Variants in CCDC122 observed in about 807,000 individuals in gnomAD.
CCDC122 encodes coiled-coil domain containing 122.
Under a neutral mutation model 37.0 loss-of-function variants are expected in CCDC122, and 38 were observed. That is an observed-to-expected ratio of 1.03 (90% CI 0.79 to 1.35). The LOEUF is 1.35. Ranked by LOEUF, CCDC122 falls within the 40% of genes most tolerant of loss-of-function variation. CCDC122 has a pLI of 0.00. For synonymous variants in CCDC122, 83 were observed against 95.6 expected, an observed-to-expected ratio of 0.87 and a Z score of 0.77; for missense variants, 305 against 310.0, an observed-to-expected ratio of 0.98 and a Z score of 0.12.
At chr13:43,823,532 CCT>C (rs1953011557), downstream of CCDC122, among the ~76,000 whole-genome samples, 1 of 152,318 alleles carries the variant, frequency 6.6e-6, no homozygotes, top group Admixed American at 6.5e-5. Context: ...GAATTGCAAT[CCT>C]TGTGCCCTAG....
intron 6 of CCDC122, chr13:43,854,711 T>C (rs972369175): frequency 6.6e-6 from 1 of 152,130 alleles, no homozygotes; most frequent in African/African-American, 2.4e-5. Flanking sequence ...TGAACATCGA[T>C]GCAAAAATCC....
At chr13:43,840,345 A>T (rs1167896354) in intron 6 of CCDC122, among the ~76,000 whole-genome samples, 4 of 152,188 alleles carry the variant, frequency 2.6e-5, no homozygotes, top group Non-Finnish European at 4.4e-5. Context: ...TATGTGTAGT[A>T]TTCCATTATG....
downstream of CCDC122, among the ~76,000 whole-genome samples, chr13:43,820,067 G>A (rs927890076): frequency 2.0e-5 from 3 of 152,000 alleles, no homozygotes; most frequent in South Asian, 4.1e-4. Flanking sequence ...AGAAAAAAGT[G>A]CATCTATAAA....
intron 2 of CCDC122, among the ~76,000 whole-genome samples, chr13:43,871,034 C>T (rs916363599): frequency 2.6e-5 from 4 of 152,064 alleles, no homozygotes; most frequent in Non-Finnish European, 4.4e-5. Context: ...ACGAAAACTT[C>T]GTCCTCCTTA....
At position 43,861,374 on chromosome 13, in the gene CCDC122, C is replaced by T. The variant is rs555843782; in HGVS notation, c.157-1304G>A. Among the ~76,000 whole-genome samples, 10 of 152,216 alleles carry T rather than the reference C, an allele frequency of 6.6e-5. No individual in the cohort carries two copies. The East Asian group carries it at 1.4e-3, about 21-fold the overall frequency. ...TATGGGAAAGCATTGTAATGTATGG[C>T]AAAGGGTACGGATAGACTAACGGAT... On this transcript the variant is annotated intron_variant, in intron 4 of 6. Coordinates refer to ENST00000444614, the MANE Select transcript of CCDC122 (RefSeq NM_144974.5).
At chr13:43,823,859 C>T (rs1343700666), downstream of CCDC122, 1 of 152,266 alleles carries the variant, frequency 6.6e-6, no homozygotes, top group African/African-American at 2.4e-5. Flanking sequence ...TCTCTTCTAG[C>T]CTCTTTCAGA....
chr13:43,831,451 A>G (rs185090023), downstream of CCDC122, among the ~76,000 whole-genome samples: 24 of 152,328 alleles, frequency 1.6e-4, no homozygotes, highest in Admixed American at 1.2e-3. Flanking sequence ...TCTCAAAAGC[A>G]TCTCAAGGAA....
chr13:43,871,893 A>G (rs900245056), intron 2 of CCDC122, among the ~76,000 whole-genome samples: 7 of 152,112 alleles, frequency 4.6e-5, no homozygotes, highest in African/African-American at 1.4e-4. Context: ...TGCTGTTATC[A>G]GCTGTCTTAC....
chr13:43,871,962 A>G (rs954565275), intron 2 of CCDC122, among the ~76,000 whole-genome samples: 1 of 151,616 alleles, frequency 6.6e-6, no homozygotes, highest in South Asian at 2.1e-4. Flanking sequence ...CTCTATCACT[A>G]CTCTCTTGTA....
intron 6 of CCDC122, 41 bp downstream of exon 6, chr13:43,858,740 T>C (rs1288403329): frequency 2.3e-6 from 3 of 1,292,170 alleles, no homozygotes; most frequent in Non-Finnish European, 2.1e-6. Flanking sequence ...GTTTTAAAAA[T>C]GGTCCCATAA....
At chr13:43,823,317 T>G (rs191967278), downstream of CCDC122, among the ~76,000 whole-genome samples, 1 of 152,156 alleles carries the variant, frequency 6.6e-6, no homozygotes. Flanking sequence ...TATCCAAGAT[T>G]CAAGACAACG....
Position 43,868,773 on chromosome 13 carries a change from G to A in CCDC122, c.77C>T (p.Ala26Val), listed in dbSNP as rs1333088545. ...TTGTTGCTTTGCAACTTTCTCTACA[G>A]CATCAGCTAATGAACTTGTGTCTTG... ...DNQDTSSLAD[A>V]VEKVAKQQQS... Residue 26 changes from alanine (A) to valine (V), a missense_variant, in exon 4 of 7, where the codon GCT becomes GTT. Physicochemically the swap from Ala to Val is moderately conservative, Grantham distance 64 (BLOSUM62 0). Coordinates refer to ENST00000444614, the MANE Select transcript of CCDC122 (RefSeq NM_144974.5). The A allele has an allele frequency of 6.5e-7, 1 of 1,547,752 alleles. No individual in the cohort carries two copies. The highest frequency in any genetic ancestry group is 1.3e-5 in the South Asian group (1 of 79,654).
chr13:43,848,759 A>G (rs1953627839), intron 6 of CCDC122: 1 of 693,370 alleles, frequency 1.4e-6, no homozygotes, highest in Admixed American at 6.3e-5. Flanking sequence ...TAAAAGCAAG[A>G]TTAATATGAG....
intron 4 of CCDC122, among the ~76,000 whole-genome samples, chr13:43,862,057 TCCC>T (rs1408013328): frequency 2.6e-5 from 4 of 152,016 alleles, no homozygotes; most frequent in African/African-American, 9.7e-5. Flanking sequence ...TCCTCCCCAC[TCCC>T]CCAACTAGTC....
intron 6 of CCDC122, among the ~76,000 whole-genome samples, chr13:43,851,962 A>C (rs1057262439): frequency 4.0e-5 from 6 of 150,650 alleles, no homozygotes; most frequent in African/African-American, 1.5e-4. Flanking sequence ...GAAAAAAAAA[A>C]CATCCAAAGG....
chr13:43,834,370 G>A (rs1165840171), downstream of CCDC122, among the ~76,000 whole-genome samples: 2 of 152,008 alleles, frequency 1.3e-5, no homozygotes, highest in Non-Finnish European at 2.9e-5. Flanking sequence ...AAGAAAACCT[G>A]GGCAATACCA....
intron 6 of CCDC122, among the ~76,000 whole-genome samples, chr13:43,837,652 AAC>A (rs35443787): frequency 0.5 from 74,240 of 149,200 alleles, 20,338 homozygotes; most frequent in Non-Finnish European, 0.62. Flanking sequence ...AAATTCTTAT[AAC>A]ACCTTATGAT....
intron 6 of CCDC122, among the ~76,000 whole-genome samples, chr13:43,843,545 TTC>T (rs892784505): frequency 6.6e-6 from 1 of 151,988 alleles, no homozygotes; most frequent in Non-Finnish European, 1.5e-5. Context: ...TCAATTTTGT[TTC>T]TTTTTGTATC....
chr13:43,859,003 TTA>T (rs905338244), intron 5 of CCDC122, 106 bp from the exon 6 acceptor site: 2 of 913,696 alleles, frequency 2.2e-6, no homozygotes, highest in Non-Finnish European at 1.5e-6. Context: ...AAATCAAAAT[TTA>T]GTTTTGATAA....
Sources: gnomAD v4.1 joint callset for allele counts (sites outside exome capture counted in the v4.1 genomes callset) on GRCh38, gnomAD v4.1.1 for gene constraint, MANE v1.5 for transcripts, NCBI Gene and HGNC (gene_info 2026-07-23, HGNC 2026-07-21) for gene names.